CTNNA3: variants seen among roughly 807,000 people sequenced by gnomAD.
The protein encoded by CTNNA3 is catenin alpha-3.
CTNNA3 carries 76 observed loss-of-function variants against 95.7 expected under a neutral mutation model. The ratio of observed to expected loss-of-function variants is 0.79; its 90% confidence interval spans 0.66 to 0.96. CTNNA3 has a LOEUF of 0.96. Among genes scored for constraint, CTNNA3 ranks in the 40% least tolerant of loss-of-function variants. The pLI is 0.00. For missense variants in CTNNA3, 1,191 were observed against 1,089.8 expected (o/e 1.09, Z -1.31); for synonymous variants, 431 against 374.4 (o/e 1.15, Z -1.74).
At chr10:67,588,001 CT>C (rs1336846083) in intron 3 of CTNNA3, among the ~76,000 whole-genome samples, 1 of 151,956 alleles carries the variant, frequency 6.6e-6, no homozygotes, top group Admixed American at 6.6e-5. Context: ...ATTGTGGAAG[CT>C]TTTGAATACA....
intron 7 of CTNNA3, among the ~76,000 whole-genome samples, chr10:66,952,864 C>T (rs972937231): frequency 6.6e-6 from 1 of 151,972 alleles, no homozygotes; most frequent in Non-Finnish European, 1.5e-5. Context: ...GATACAAAAA[C>T]AGGTTCTTCC....
chr10:67,504,382 A>AGTGAG (rs537469151), intron 5 of CTNNA3, among the ~76,000 whole-genome samples: 4,545 of 138,378 alleles, frequency 0.033, 73 homozygotes, highest in South Asian at 0.078. Flanking sequence ...GAACCACTGC[A>AGTGAG]CTGAAATCGC....
At chr10:66,063,306 CTATATATATATATAA>C (rs2080246981) in intron 15 of CTNNA3, among the ~76,000 whole-genome samples, 1 of 135,042 alleles carries the variant, frequency 7.4e-6, no homozygotes, top group Non-Finnish European at 1.6e-5. Context: ...ATCTCTCTCT[CTATATATATATATAA>C]TATATATATA....
At chr10:67,493,561 C>CAAAAAA (rs61570165) in intron 5 of CTNNA3, among the ~76,000 whole-genome samples, 3 of 94,132 alleles carry the variant, frequency 3.2e-5, no homozygotes, top group Non-Finnish European at 5.2e-5. Context: ...GACTCTGTCT[C>CAAAAAA]AAAAAAAAAA....
intron 7 of CTNNA3, among the ~76,000 whole-genome samples, chr10:66,845,729 A>AAAAAAAAATAAAAAC (rs1297933220): frequency 4.6e-5 from 4 of 87,732 alleles, no homozygotes; most frequent in Non-Finnish European, 7.7e-5. Context: ...AAAAAAAAAA[A>AAAAAAAAATAAAAAC]CTAAAAAGGT....
intron 1 of CTNNA3, among the ~76,000 whole-genome samples, chr10:67,648,324 T>G (rs1255401174): frequency 1.3e-5 from 2 of 152,180 alleles, no homozygotes; most frequent in African/African-American, 4.8e-5. Flanking sequence ...AATATATTAT[T>G]TATTAATCTA....
At chr10:67,106,575 T>C (rs1446978023) in intron 7 of CTNNA3, among the ~76,000 whole-genome samples, 1 of 152,210 alleles carries the variant, frequency 6.6e-6, no homozygotes, top group Non-Finnish European at 1.5e-5. Flanking sequence ...GAATTAATAA[T>C]AATCCTATGA....
In CTNNA3 at chr10:66,331,338, G is replaced by GCTTGCTTTTTTTTTTTTTTTTTTT. The variant is rs1417713676; in HGVS notation, c.1732+47813_1732+47814insAAAAAAAAAAAAAAAAAAAGCAAG. On this transcript the variant is annotated intron_variant, in intron 12 of 17. Coordinates refer to ENST00000433211, the MANE Select transcript of CTNNA3 (RefSeq NM_013266.4). ...TTAAATATGGACTCCTTTCCCCATT[G>GCTTGCTTTTTTTTTTTTTTTTTTT]TTTGTTTTTTTTTTTTTTTTTTTTT... 1.8e-4 allele frequency among the ~76,000 whole-genome samples: 7 copies of GCTTGCTTTTTTTTTTTTTTTTTTT among 39,106 alleles called. 2 individuals are homozygous for GCTTGCTTTTTTTTTTTTTTTTTTT. The highest frequency in any genetic ancestry group is 8.4e-4 in the East Asian group (1 of 1,194). The allele number at this position is 39,106 out of a possible 152,430, so 25.7% of individuals were successfully genotyped here.
intron 7 of CTNNA3, among the ~76,000 whole-genome samples, chr10:66,941,818 A>C (rs372924250): frequency 3.9e-5 from 6 of 152,340 alleles, no homozygotes; most frequent in African/African-American, 1.4e-4. Flanking sequence ...AGAGGTTCTT[A>C]TATCCAAGTT....
At chr10:66,996,711 A>T (rs1339857225) in intron 7 of CTNNA3, among the ~76,000 whole-genome samples, 1 of 146,250 alleles carries the variant, frequency 6.8e-6, no homozygotes, top group Non-Finnish European at 1.5e-5. Flanking sequence ...ATTTGAGTTA[A>T]TTAGCGCCTA....
chr10:66,605,126 G>A (rs1009716251), intron 10 of CTNNA3, among the ~76,000 whole-genome samples: 3 of 152,094 alleles, frequency 2.0e-5, no homozygotes, highest in African/African-American at 7.2e-5. Flanking sequence ...CAACATGATA[G>A]AGCTAAAAAA....
intron 5 of CTNNA3, among the ~76,000 whole-genome samples, chr10:67,504,430 C>A (rs1839362658): frequency 2.9e-5 from 2 of 69,474 alleles, no homozygotes; most frequent in African/African-American, 5.8e-5. Context: ...AGTGAGACTC[C>A]ATCTCAAAAA....
intron 7 of CTNNA3, among the ~76,000 whole-genome samples, chr10:66,856,029 C>G (rs1264907135): frequency 6.6e-6 from 1 of 151,884 alleles, no homozygotes; most frequent in Non-Finnish European, 1.5e-5. Flanking sequence ...CATTTTGTCA[C>G]CCAGATAATA....
At chr10:66,638,946 T>G (rs1031706707) in intron 9 of CTNNA3, among the ~76,000 whole-genome samples, 4 of 148,452 alleles carry the variant, frequency 2.7e-5, no homozygotes, top group African/African-American at 1.0e-4. Flanking sequence ...AAACAATATG[T>G]TTTTTTTAAT....
chr10:66,581,620 T>A (rs1436434959), intron 10 of CTNNA3, among the ~76,000 whole-genome samples: 1 of 151,698 alleles, frequency 6.6e-6, no homozygotes, highest in Non-Finnish European at 1.5e-5. Flanking sequence ...GTAATGATTA[T>A]TTATTTTGCT....
intron 1 of CTNNA3, among the ~76,000 whole-genome samples, chr10:67,725,487 T>G (rs1221450994): frequency 6.6e-6 from 1 of 152,024 alleles, no homozygotes; most frequent in African/African-American, 2.4e-5. Flanking sequence ...TTATTGTACT[T>G]TTATATAGTA....
At chr10:66,300,364 C>A (rs12267218) in intron 12 of CTNNA3, among the ~76,000 whole-genome samples, 5,561 of 151,978 alleles carry the variant, frequency 0.037, 333 homozygotes, top group African/African-American at 0.13. Flanking sequence ...ATTGAAAATT[C>A]TTTGATACTT....
At chr10:66,325,648 CAA>C (rs997830280) in intron 12 of CTNNA3, among the ~76,000 whole-genome samples, 7 of 152,062 alleles carry the variant, frequency 4.6e-5, no homozygotes, top group Non-Finnish European at 8.8e-5. Context: ...AATCTAAAGG[CAA>C]AGAGTGCAGC....
intron 9 of CTNNA3, among the ~76,000 whole-genome samples, chr10:66,678,821 G>A (rs1220948441): frequency 1.3e-5 from 2 of 152,128 alleles, no homozygotes; most frequent in Non-Finnish European, 2.9e-5. Flanking sequence ...GGAAAAACAT[G>A]TGTATGAGAG....
Sources: allele counts gnomAD v4.1 joint callset (sites outside exome capture counted in the v4.1 genomes callset), GRCh38; gene constraint gnomAD v4.1.1; transcripts MANE v1.5; gene names NCBI Gene and HGNC (gene_info 2026-07-23, HGNC 2026-07-21).